The following SLC34A2 variants were observed in gnomAD, a reference collection of about 807,000 sequenced individuals.
The protein encoded by SLC34A2 is solute carrier family 34 member 2.
SLC34A2 carries 41 observed loss-of-function variants against 50.8 expected under a neutral mutation model. The observed-to-expected ratio is 0.81, with a 90% CI of 0.63 to 1.05. The LOEUF is 1.05. SLC34A2 is among the 50% of genes least tolerant of loss of function. The pLI, the probability that SLC34A2 is intolerant of heterozygous loss-of-function variation, is 0.00. For synonymous variants in SLC34A2, 401 were observed against 364.2 expected (o/e 1.10, Z -1.15); for missense variants, 879 against 876.7 (o/e 1.00, Z -0.03).
intron 1 of SLC34A2, among the ~76,000 whole-genome samples, chr4:25,659,762 C>T (rs569304768): frequency 3.9e-5 from 6 of 152,236 alleles, no homozygotes; most frequent in South Asian, 2.1e-4. Context: ...CACTGTGATT[C>T]GCCTCTCTCC....
chr4:25,659,776 T>A (rs1460592976), intron 1 of SLC34A2, among the ~76,000 whole-genome samples: 4 of 152,180 alleles, frequency 2.6e-5, no homozygotes, highest in African/African-American at 9.7e-5. Context: ...TCTCTCCAGG[T>A]ATCACTGAGC....
intron 1 of SLC34A2, chr4:25,656,404 T>A (rs555956024): frequency 2.4e-4 from 37 of 152,376 alleles, no homozygotes; most frequent in African/African-American, 8.2e-4. Flanking sequence ...CACCCAAGTG[T>A]GACTTCCACG....
chr4:25,664,799 G>A (rs2109050840), intron 4 of SLC34A2: 1 of 246,116 alleles, frequency 4.1e-6, no homozygotes. Context: ...GGCTGCGTGT[G>A]CCCATGCAGT....
chr4:25,662,386 G>A (rs553967046), intron 1 of SLC34A2, 112 bp from the exon 2 acceptor site: 18 of 919,968 alleles, frequency 2.0e-5, no homozygotes, highest in African/African-American at 3.3e-5. Context: ...TGCCGCCTCC[G>A]GCCGAAACCC....
At chr4:25,673,359 T>C in intron 10 of SLC34A2, 105 bp downstream of exon 10, 3 of 1,106,698 alleles carry the variant, frequency 2.7e-6, no homozygotes, top group Non-Finnish European at 4.1e-6. Flanking sequence ...GGAGTTTCTC[T>C]CTCAGATTGG....
At chr4:25,668,119 C>G (rs1402782404) in intron 6 of SLC34A2, 128 bp downstream of exon 6, 2 of 724,000 alleles carry the variant, frequency 2.8e-6, no homozygotes, top group Non-Finnish European at 5.0e-6. Flanking sequence ...TAGAAGTAAC[C>G]ACAGGGAGGT....
At position 25,673,129 on chromosome 4, in the gene SLC34A2, T is replaced by C; in HGVS notation, c.1091T>C (p.Val364Ala). 1.2e-6 allele frequency: 2 copies of C among 1,614,150 alleles called. No homozygotes were observed. Among genetic ancestry groups the C allele is most frequent in the Non-Finnish European group, 1.7e-6 (2 of 1,180,032 alleles). ...AATTTCCACCTCCCGGATCTTGCTG[T>C]GGGCACCATCTTGCTCATACTCTCC... is the stretch of plus-strand genomic sequence containing the variant. ...FVNFHLPDLA[V>A]GTILLILSLL... Residue 364 changes from valine (V) to alanine (A), a missense_variant, in exon 10 of 13, where the codon GTG becomes GCG. By Grantham distance (64) the Val-to-Ala change is moderately conservative. Transcript: ENST00000382051.
rs138766327 is a variant in SLC34A2, at chr4:25,671,693, T to C, written c.1020T>C (p.Asn340=). Residue 340 remains asparagine, a synonymous_variant, in exon 9 of 13, where the codon AAT becomes AAC. Transcript: ENST00000382051. The part of the protein sequence containing the change: ...TDGIQNWTMK[N]VTYKENIAKC... ...GCATCCAAAACTGGACCATGAAGAATGTGACCTACAAGGAGAACATCGCCA... is the reference window on the plus strand; with the variant it reads ...GCATCCAAAACTGGACCATGAAGAACGTGACCTACAAGGAGAACATCGCCA... 10 of 1,614,118 alleles carry C rather than the reference T, an allele frequency of 6.2e-6. No individual in the cohort carries two copies. The highest frequency in any genetic ancestry group is 1.3e-5 in the African/African-American group (1 of 74,938).
rs201879230 is a variant in SLC34A2, at chr4:25,671,731, G to A, written c.1048+10G>A. 5 of 1,614,192 alleles carry A rather than the reference G, an allele frequency of 3.1e-6. No homozygotes were observed. The African/African-American group carries it at 4.0e-5, about 13-fold the overall frequency. ...GAGAACATCGCCAAATGTGAGTGGA[G>A]CTCAGTGGATTGGCCACTATGACAG... On this transcript the variant is annotated intron_variant, in intron 9 of 12. Coordinates refer to ENST00000382051, the MANE Select transcript of SLC34A2 (RefSeq NM_006424.3).
rs1284170276 is a variant in SLC34A2, at chr4:25,656,568, A to G, written c.-4+678A>G. The G allele has an allele frequency of 2.6e-5, 4 of 152,264 alleles. No homozygotes were observed. In the East Asian group the frequency reaches 7.7e-4, roughly 29 times the overall value. The allele number at this position is 152,264 out of a possible 1,614,324, so 9.4% of individuals were successfully genotyped here. A position where few individuals can be genotyped will look rare whatever the true frequency, so the allele number is the denominator to read the frequency against. ...ATGTTTTCCAAGCCACAAATGGGTGAGCAGGCTGGGGAGATAACTTACAAG... is the reference window on the plus strand; with the variant it reads ...ATGTTTTCCAAGCCACAAATGGGTGGGCAGGCTGGGGAGATAACTTACAAG... On this transcript the variant is annotated intron_variant, in intron 1 of 12. Coordinates refer to ENST00000382051, the MANE Select transcript of SLC34A2 (RefSeq NM_006424.3).
chr4:25,673,787 C>T (rs771119832), intron 10 of SLC34A2, among the ~76,000 whole-genome samples: 6 of 152,140 alleles, frequency 3.9e-5, no homozygotes, highest in Admixed American at 1.3e-4. Context: ...CAAGAAAATT[C>T]GCCCCCCACC....
chr4:25,676,220 C>T lies in SLC34A2; in HGVS notation c.1544C>T (p.Ala515Val). The change falls in exon 13 of 13, where the codon GCC (alanine) becomes GTC (valine). Residue 515 changes from alanine (A) to valine (V), a missense_variant. Ala to Val is a moderately conservative substitution (Grantham distance 64, BLOSUM62 0). Transcript: ENST00000382051. ...TTCACTCGCCTGCCCATCCGCATGG[C>T]CAAGGGGCTGGGCAACATCTCTGCC... ...IPFTRLPIRM[A>V]KGLGNISAKY... The T allele has an allele frequency of 6.2e-7, 1 of 1,614,206 alleles. No individual in the cohort carries two copies. Among genetic ancestry groups the T allele is most frequent in the Non-Finnish European group, 8.5e-7 (1 of 1,180,042 alleles).
intron 9 of SLC34A2, among the ~76,000 whole-genome samples, chr4:25,672,773 A>G (rs1245523323): frequency 6.6e-6 from 1 of 152,088 alleles, no homozygotes; most frequent in Non-Finnish European, 1.5e-5. Context: ...TAGTAAAAAA[A>G]AAAAATTAGA....
rs763437727 is a variant in SLC34A2 at position 25,676,414 on chromosome 4, C to T, written c.1738C>T (p.Pro580Ser). 2 of 1,613,882 alleles carry T rather than the reference C, an allele frequency of 1.2e-6. No homozygotes were observed. The highest frequency in any genetic ancestry group is 1.3e-5 in the African/African-American group (1 of 74,928). ...LCLRLLQSRC[P>S]RVLPKKLQNW... ...CCTCCGACTCCTGCAGTCTCGCTGC[C>T]CACGCGTCCTGCCGAAGAAACTCCA... Residue 580 changes from proline to serine, a missense_variant, in exon 13 of 13, where the codon CCA becomes TCA. By Grantham distance (74) the Pro-to-Ser change is moderately conservative. Transcript: ENST00000382051.
In SLC34A2 at chr4:25,676,862, G is replaced by A. The variant is rs913202012; in HGVS notation, c.*113G>A. 8 of 1,450,484 alleles carry A rather than the reference G, an allele frequency of 5.5e-6. No individual in the cohort carries two copies. Among genetic ancestry groups the A allele is most frequent in the East Asian group, 2.4e-5 (1 of 41,738 alleles). 89.9% of individuals were successfully genotyped at this position (1,450,484 alleles called of 1,614,324 possible). The stretch of plus-strand genomic sequence containing the variant: ...TCGAGGAGATTTGCTCCCCATTAGC[G>A]AATGAAATTGATGCAGTCCTACCTA... On this transcript the variant is annotated 3_prime_UTR_variant, in exon 13 of 13. Coordinates refer to ENST00000382051, the MANE Select transcript of SLC34A2 (RefSeq NM_006424.3).
intron 10 of SLC34A2, among the ~76,000 whole-genome samples, chr4:25,673,741 A>T (rs1344093736): frequency 6.6e-6 from 1 of 152,180 alleles, no homozygotes; most frequent in Non-Finnish European, 1.5e-5. Flanking sequence ...TAAGCCAATG[A>T]CATCATCACT....
Position 25,676,545 on chromosome 4 carries a change from C to T in SLC34A2, c.1869C>T (p.Arg623=), listed in dbSNP as rs542758524. The T allele has an allele frequency of 5.0e-6, 8 of 1,613,286 alleles. No homozygotes were observed. The Admixed American group carries it at 6.7e-5, about 13-fold the overall frequency. The part of the protein sequence containing the change: ...CFQMRCCCCC[R]VCCRACCLLC... The stretch of plus-strand genomic sequence containing the variant: ...AGATGCGCTGCTGCTGCTGCTGCCG[C>T]GTGTGCTGCCGCGCGTGCTGCTTGC... Residue 623 remains arginine (R), a synonymous_variant, in exon 13 of 13, where the codon CGC becomes CGT. Coordinates refer to ENST00000382051, the MANE Select transcript of SLC34A2 (RefSeq NM_006424.3).
chr4:25,665,989 G>T (rs1714475173), intron 4 of SLC34A2, 139 bp from the exon 5 acceptor site: 2 of 997,816 alleles, frequency 2.0e-6, no homozygotes, highest in African/African-American at 3.1e-5. Context: ...AGATTCCTTG[G>T]GTGCCTGCAG....
rs573219566 is a variant in SLC34A2 at position 25,677,230 on chromosome 4, TG to T, written c.*482del. On this transcript the variant is annotated 3_prime_UTR_variant, in exon 13 of 13. Coordinates refer to ENST00000382051, the MANE Select transcript of SLC34A2 (RefSeq NM_006424.3). ...AAGAGCAGCAGCTCCATGGCCTCCTTGCCCCAGATCAGCCTGGGTCAGGGGA... is the reference window on the plus strand; with the variant it reads ...AAGAGCAGCAGCTCCATGGCCTCCTTCCCCAGATCAGCCTGGGTCAGGGGA... 495 of 177,414 alleles carry T rather than the reference TG, an allele frequency of 2.8e-3. 2 individuals carry two copies. Among genetic ancestry groups the T allele is most frequent in the African/African-American group, 0.011 (469 of 42,450 alleles). 11.0% of individuals were successfully genotyped at this position (177,414 alleles called of 1,614,324 possible).
Sources: gnomAD v4.1 joint callset for allele counts (sites outside exome capture counted in the v4.1 genomes callset) on GRCh38, gnomAD v4.1.1 for gene constraint, MANE v1.5 for transcripts, NCBI Gene and HGNC (gene_info 2026-07-23, HGNC 2026-07-21) for gene names.